MGAT4C: variants seen among roughly 807,000 people sequenced by gnomAD.
MGAT4C encodes the protein alpha-1,3-mannosyl-glycoprotein 4-beta-N-acetylglucosaminyltransferase C.
Under a neutral mutation model 40.1 loss-of-function variants are expected in MGAT4C, and 19 were observed. That is an observed-to-expected ratio of 0.47 (90% CI 0.33 to 0.70). The LOEUF (loss-of-function observed/expected upper bound fraction) is 0.70, where lower values mean the gene tolerates loss of function less well. MGAT4C is among the 30% of genes least tolerant of loss of function. The pLI is 0.02. For missense variants in MGAT4C, 491 were observed against 563.2 expected, an observed-to-expected ratio of 0.87 and a Z score of 1.30; for synonymous variants, 181 against 187.1, an observed-to-expected ratio of 0.97 and a Z score of 0.27.
intron 1 of MGAT4C, among the ~76,000 whole-genome samples, chr12:86,192,328 T>C (rs576878785): frequency 6.6e-6 from 1 of 152,152 alleles, no homozygotes; most frequent in Non-Finnish European, 1.5e-5. Flanking sequence ...TCCTCAAAAT[T>C]AGAGTGGGAC....
chr12:86,655,248 T>C (rs1963815956), intron 2 of MGAT4C, among the ~76,000 whole-genome samples: 1 of 151,958 alleles, frequency 6.6e-6, no homozygotes, highest in Non-Finnish European at 1.5e-5. Context: ...GAAGGCAGTG[T>C]GGTAATTCCT....
chr12:86,049,848 A>G (rs1242902384), intron 1 of MGAT4C, 125 bp from the exon 2 acceptor site: 2 of 190,480 alleles, frequency 1.0e-5, no homozygotes, highest in Non-Finnish European at 1.9e-5. Flanking sequence ...GATCATATTT[A>G]TAAAATCTTT....
chr12:86,456,606 T>C (rs1957515165), intron 2 of MGAT4C, among the ~76,000 whole-genome samples: 2 of 152,050 alleles, frequency 1.3e-5, no homozygotes, highest in South Asian at 4.1e-4. Flanking sequence ...AAGTAAGAGA[T>C]CATAAACTAG....
chr12:86,700,172 GACA>G (rs1950337093), intron 2 of MGAT4C, among the ~76,000 whole-genome samples: 2 of 134,426 alleles, frequency 1.5e-5, no homozygotes, highest in African/African-American at 2.9e-5. Flanking sequence ...CAGACAGACA[GACA>G]GACAGATAGA....
chr12:86,711,387 C>T (rs1195963310), intron 2 of MGAT4C, among the ~76,000 whole-genome samples: 9 of 151,912 alleles, frequency 5.9e-5, no homozygotes, highest in Non-Finnish European at 1.3e-4. Context: ...TAGGAACCAA[C>T]ACTCATATTT....
Position 86,094,906 on chromosome 12 carries a change from G to A in MGAT4C, c.-56-45183C>T, listed in dbSNP as rs79039337. 3.0e-3 allele frequency among the ~76,000 whole-genome samples: 458 copies of A among 152,174 alleles called. 1 individual carries two copies. The highest frequency in any genetic ancestry group is 0.011 in the African/African-American group (439 of 41,532). On this transcript the variant is annotated intron_variant, in intron 1 of 4. Transcript: ENST00000611864. Reference sequence around the variant, plus strand: ...GATTACAGAGCCAATTCTTCCTTTAGAAAGAGACAAGAGTAGAGGCCAAGA... The same window carrying A: ...GATTACAGAGCCAATTCTTCCTTTAAAAAGAGACAAGAGTAGAGGCCAAGA...
chr12:86,110,294 G>GTC (rs761312793), intron 1 of MGAT4C, among the ~76,000 whole-genome samples: 1 of 6,214 alleles, frequency 1.6e-4, no homozygotes, highest in Non-Finnish European at 4.0e-4. Context: ...TATATATATA[G>GTC]TCTCTCTATA....
intron 3 of MGAT4C, among the ~76,000 whole-genome samples, chr12:86,408,026 G>T (rs1400605561): frequency 6.6e-6 from 1 of 151,930 alleles, no homozygotes; most frequent in Non-Finnish European, 1.5e-5. Flanking sequence ...TAATGTTGTT[G>T]CCAGGCAACT....
At chr12:86,303,966 C>A (rs1265471013) in intron 4 of MGAT4C, among the ~76,000 whole-genome samples, 2 of 150,124 alleles carry the variant, frequency 1.3e-5, no homozygotes, top group African/African-American at 5.0e-5. Context: ...TATTTATTTA[C>A]TGGAATAGAA....
intron 1 of MGAT4C, among the ~76,000 whole-genome samples, chr12:86,113,908 A>G (rs746736415): frequency 6.6e-6 from 1 of 151,952 alleles, no homozygotes; most frequent in Non-Finnish European, 1.5e-5. Flanking sequence ...GACCTATAGT[A>G]AGTCTCATGA....
intron 4 of MGAT4C, among the ~76,000 whole-genome samples, chr12:86,298,334 G>A (rs1267016515): frequency 6.6e-6 from 1 of 151,780 alleles, no homozygotes; most frequent in African/African-American, 2.4e-5. Flanking sequence ...TTATAAAATG[G>A]GATAATATTT....
At chr12:86,733,300 T>G (rs1403229975) in intron 1 of MGAT4C, among the ~76,000 whole-genome samples, 1 of 152,078 alleles carries the variant, frequency 6.6e-6, no homozygotes, top group African/African-American at 2.4e-5. Flanking sequence ...TGTAAAGAAT[T>G]ATGCTTTTAG....
At chr12:86,591,127 C>T (rs1961311643) in intron 2 of MGAT4C, among the ~76,000 whole-genome samples, 1 of 151,960 alleles carries the variant, frequency 6.6e-6, no homozygotes, top group Non-Finnish European at 1.5e-5. Context: ...AGAATTAACT[C>T]ATTTTAAAAG....
chr12:86,295,961 G>A (rs1244625799), intron 4 of MGAT4C, among the ~76,000 whole-genome samples: 3 of 147,306 alleles, frequency 2.0e-5, no homozygotes, highest in Admixed American at 6.8e-5. Context: ...CCCCACCAGA[G>A]CAGCTAGATA....
intron 3 of MGAT4C, among the ~76,000 whole-genome samples, chr12:86,387,907 C>T (rs1194671757): frequency 6.6e-6 from 1 of 152,088 alleles, no homozygotes; most frequent in Non-Finnish European, 1.5e-5. Context: ...GGCACTATGA[C>T]AAAATACTCT....
At chr12:86,652,587 G>A (rs1205220331) in intron 2 of MGAT4C, among the ~76,000 whole-genome samples, 1 of 151,868 alleles carries the variant, frequency 6.6e-6, no homozygotes, top group East Asian at 1.9e-4. Context: ...GACTGAATTA[G>A]GTAGGCATAA....
chr12:86,529,067 AAAC>A (rs1319808226), intron 2 of MGAT4C, among the ~76,000 whole-genome samples: 1 of 152,096 alleles, frequency 6.6e-6, no homozygotes, highest in Non-Finnish European at 1.5e-5. Flanking sequence ...GTTAGGGTAA[AAAC>A]AACAACAACA....
At position 85,971,097 on chromosome 12, in the gene MGAT4C, G is replaced by A. The variant is rs1377612025; in HGVS notation, c.*8192C>T. On this transcript the variant is annotated 3_prime_UTR_variant, in exon 5 of 5. Transcript: ENST00000611864. The stretch of plus-strand genomic sequence containing the variant: ...AAATCAGAAGAATGTTGAAAAATTA[G>A]TGCATTTATAATAAATTTAATTATT... The A allele has an allele frequency of 2.0e-5, 3 of 150,960 alleles. No homozygotes were observed. Among genetic ancestry groups the A allele is most frequent in the African/African-American group, 7.3e-5 (3 of 41,286 alleles). 9.4% of individuals were successfully genotyped at this position (150,960 alleles called of 1,614,324 possible).
chr12:86,150,050 T>C (rs193046244), intron 1 of MGAT4C, among the ~76,000 whole-genome samples: 1 of 152,192 alleles, frequency 6.6e-6, no homozygotes, highest in Non-Finnish European at 1.5e-5. Flanking sequence ...GGGTGGTGGA[T>C]GGGTGGAAGA....
Sources: gnomAD v4.1 joint callset for allele counts (sites outside exome capture counted in the v4.1 genomes callset) on GRCh38, gnomAD v4.1.1 for gene constraint, MANE v1.5 for transcripts, NCBI Gene and HGNC (gene_info 2026-07-23, HGNC 2026-07-21) for gene names.